Variants in COBL observed in about 807,000 individuals in gnomAD.
COBL encodes protein cordon-bleu.
COBL carries 51 observed loss-of-function variants against 98.8 expected under a neutral mutation model. The ratio of observed to expected loss-of-function variants is 0.52; its 90% confidence interval spans 0.41 to 0.65. The LOEUF (loss-of-function observed/expected upper bound fraction) is 0.65. COBL is among the 30% of genes least tolerant of loss of function. The probability of loss-of-function intolerance (pLI) is 0.00; values close to 1 mark genes in which losing one functional copy is unlikely to be tolerated. For synonymous variants in COBL, 634 were observed against 651.7 expected (o/e 0.97, Z 0.41); for missense variants, 1,617 against 1,617.5 (o/e 1.00, Z 0.01).
rs2129006798 is a variant in COBL at position 51,136,406 on chromosome 7, A to G, written c.784-75T>C. ...TCCCCGTATGAATGCTCACATGAAG[A>G]CAAAGTTCCAATCCGTCCACCTGAG... On this transcript the variant is annotated intron_variant, in intron 5 of 12. Transcript: ENST00000265136. 4.1e-6 allele frequency: 6 copies of G among 1,449,480 alleles called. No individual in the cohort carries two copies. In the East Asian group the frequency reaches 1.4e-4, roughly 34 times the overall value. The allele number at this position is 1,449,480 out of a possible 1,614,324, so 89.8% of individuals were successfully genotyped here.
At chr7:51,113,368 C>T (rs1396357897) in intron 6 of COBL, among the ~76,000 whole-genome samples, 1 of 152,182 alleles carries the variant, frequency 6.6e-6, no homozygotes, top group Non-Finnish European at 1.5e-5. Context: ...CTTTTATGAG[C>T]TACCATGGCT....
At chr7:51,106,744 G>C (rs1281720498) in intron 6 of COBL, among the ~76,000 whole-genome samples, 1 of 152,158 alleles carries the variant, frequency 6.6e-6, no homozygotes, top group East Asian at 1.9e-4. Flanking sequence ...CTCTTCACAG[G>C]TGGGCACAGG....
At chr7:51,106,482 C>T (rs1796280545) in intron 6 of COBL, among the ~76,000 whole-genome samples, 1 of 152,080 alleles carries the variant, frequency 6.6e-6, no homozygotes, top group Admixed American at 6.6e-5. Flanking sequence ...ATCCCAAATC[C>T]GAAACAAGAA....
intron 6 of COBL, among the ~76,000 whole-genome samples, chr7:51,088,575 A>T (rs1794509233): frequency 6.6e-6 from 1 of 152,122 alleles, no homozygotes; most frequent in South Asian, 2.1e-4. Flanking sequence ...TTCTTCAGCC[A>T]TATGCATCGC....
At chr7:51,024,837 G>A (rs1787357011) in intron 12 of COBL, among the ~76,000 whole-genome samples, 1 of 152,152 alleles carries the variant, frequency 6.6e-6, no homozygotes. Context: ...GTTACAGTGG[G>A]GTTTAGATTC....
chr7:51,156,083 G>A (rs1413403130), intron 5 of COBL, among the ~76,000 whole-genome samples: 1 of 152,086 alleles, frequency 6.6e-6, no homozygotes, highest in South Asian at 2.1e-4. Context: ...AAATCATCCA[G>A]ACGACATAGA....
intron 2 of COBL, among the ~76,000 whole-genome samples, chr7:51,207,423 G>C (rs1045960435): frequency 6.6e-6 from 1 of 151,814 alleles, no homozygotes; most frequent in Admixed American, 6.6e-5. Flanking sequence ...CCTCTCCCTC[G>C]CACTTGCCCC....
chr7:51,073,246 C>A (rs1792736949), intron 7 of COBL: 2 of 558,212 alleles, frequency 3.6e-6, no homozygotes, highest in Admixed American at 2.9e-5. Context: ...ATACAATGAG[C>A]CCTTTTATCC....
At chr7:51,197,947 T>C (rs1021092895) in intron 2 of COBL, among the ~76,000 whole-genome samples, 4 of 152,214 alleles carry the variant, frequency 2.6e-5, no homozygotes, top group African/African-American at 9.6e-5. Flanking sequence ...AGCATACCAA[T>C]GGGTCTTGGT....
At chr7:51,061,189 T>C (rs1248239569) in intron 7 of COBL, among the ~76,000 whole-genome samples, 1 of 152,136 alleles carries the variant, frequency 6.6e-6, no homozygotes, top group Non-Finnish European at 1.5e-5. Context: ...AAAACAGTAA[T>C]TGTCAATGAG....
chr7:51,264,679 A>AG (rs1379243104), intron 1 of COBL, among the ~76,000 whole-genome samples: 1 of 135,818 alleles, frequency 7.4e-6, no homozygotes, highest in Non-Finnish European at 1.5e-5. Context: ...TCCCAAAAAA[A>AG]AAAAAAAAAA....
chr7:51,250,468 C>T (rs1022545170), intron 1 of COBL, among the ~76,000 whole-genome samples: 1 of 152,072 alleles, frequency 6.6e-6, no homozygotes, highest in African/African-American at 2.4e-5. Flanking sequence ...TTTATAAAGG[C>T]TATCTTTATT....
chr7:51,245,685 A>C (rs2129129796), intron 1 of COBL, among the ~76,000 whole-genome samples: 1 of 152,372 alleles, frequency 6.6e-6, no homozygotes, highest in East Asian at 1.9e-4. Context: ...CATAAATGAT[A>C]GTACAGTGTA....
At chr7:51,179,674 A>G (rs1584074569) in intron 5 of COBL, among the ~76,000 whole-genome samples, 1 of 152,168 alleles carries the variant, frequency 6.6e-6, no homozygotes, top group South Asian at 2.1e-4. Context: ...ATGCCAAAGC[A>G]TTGTATCTTC....
chr7:51,068,324 G>C (rs942755707), intron 7 of COBL, among the ~76,000 whole-genome samples: 1 of 152,136 alleles, frequency 6.6e-6, no homozygotes, highest in Non-Finnish European at 1.5e-5. Context: ...AAAATGCTGC[G>C]ACCAGCTTTC....
chr7:51,316,598 CG>C lies in COBL; in HGVS notation c.35del (p.Pro12ArgfsTer6), dbSNP rs1803630760. 8.3e-7 allele frequency: 1 copy of C among 1,205,184 alleles called. No homozygotes were observed. The highest frequency in any genetic ancestry group is 1.0e-6 in the Non-Finnish European group (1 of 971,074). The allele number at this position is 1,205,184 out of a possible 1,614,324, so 74.7% of individuals were successfully genotyped here. On this transcript the variant is annotated frameshift_variant, in exon 1 of 13. Coordinates refer to ENST00000265136, the MANE Select transcript of COBL (RefSeq NM_015198.5). LOFTEE classifies it high-confidence loss of function. ...CCGACCGCGGGGCCGCTTACCCGGTCGGGGGCTTGGCCGCCGAGGCGCGCGG... is the reference window on the plus strand; with the variant it reads ...CCGACCGCGGGGCCGCTTACCCGGTCGGGGCTTGGCCGCCGAGGCGCGCGG... ...DAPRASAAKP[P>X]TGRKMKARAP...
chr7:51,243,990 TA>T (rs1488974177), intron 1 of COBL, among the ~76,000 whole-genome samples: 1 of 152,070 alleles, frequency 6.6e-6, no homozygotes, highest in African/African-American at 2.4e-5. Context: ...TCTTCAAAAT[TA>T]AAAATTAAAA....
chr7:51,127,369 G>A (rs535645369), intron 6 of COBL, among the ~76,000 whole-genome samples: 4 of 152,290 alleles, frequency 2.6e-5, no homozygotes, highest in African/African-American at 7.2e-5. Context: ...ACTAAACAGC[G>A]GAGCATGACT....
chr7:51,098,688 A>T (rs537237108), intron 6 of COBL, among the ~76,000 whole-genome samples: 1 of 152,214 alleles, frequency 6.6e-6, no homozygotes, highest in Non-Finnish European at 1.5e-5. Context: ...TCTTTATGAC[A>T]TTCTATTTGG....
Sources: allele counts gnomAD v4.1 joint callset (sites outside exome capture counted in the v4.1 genomes callset), GRCh38; gene constraint gnomAD v4.1.1; transcripts MANE v1.5; gene names NCBI Gene and HGNC (gene_info 2026-07-23, HGNC 2026-07-21).